The following VRK3 variants were observed in gnomAD, a reference collection of about 807,000 sequenced individuals.
The protein encoded by VRK3 is VRK serine/threonine kinase 3.
A neutral mutation model predicts 60.4 loss-of-function variants in VRK3; 50 were observed. The observed-to-expected ratio is 0.83, with a 90% CI of 0.66 to 1.05. VRK3 has a LOEUF of 1.05. Among genes scored for constraint, VRK3 ranks in the 50% least tolerant of loss-of-function variants. The probability of loss-of-function intolerance (pLI) is 0.00; values close to 1 mark genes in which losing one functional copy is unlikely to be tolerated. For synonymous variants in VRK3, 246 were observed against 227.8 expected (o/e 1.08, Z -0.72); for missense variants, 549 against 585.3 (o/e 0.94, Z 0.64).
intron 3 of VRK3, among the ~76,000 whole-genome samples, chr19:50,014,329 C>T (rs577234603): frequency 3.3e-5 from 5 of 151,454 alleles, no homozygotes; most frequent in Admixed American, 2.0e-4. Context: ...GAGGCCGAGG[C>T]GGGTGGATCA....
At position 50,007,439 on chromosome 19, in the gene VRK3, G is replaced by A. The variant is rs140868476; in HGVS notation, c.547+130C>T. On this transcript the variant is annotated intron_variant, in intron 5 of 14. Transcript: ENST00000316763. ...GGTAGGTATAGAGTCCAAGGTCTAA[G>A]AGAAAGTTGCCTAGCGACAGGTCTG... 124 of 1,406,602 alleles carry A rather than the reference G, an allele frequency of 8.8e-5. No homozygotes were observed. In the East Asian group the frequency reaches 2.7e-3, roughly 31 times the overall value. The allele number at this position is 1,406,602 out of a possible 1,614,324, so 87.1% of individuals were successfully genotyped here.
intron 13 of VRK3, among the ~76,000 whole-genome samples, chr19:49,980,222 C>T (rs1400017743): frequency 5.9e-5 from 9 of 152,052 alleles, no homozygotes. Flanking sequence ...CAAACACCCC[C>T]GACACCCCAA....
intron 5 of VRK3, chr19:50,001,281 C>T (rs970326355): frequency 1.2e-5 from 2 of 169,436 alleles, no homozygotes; most frequent in African/African-American, 2.4e-5. Flanking sequence ...CCAATAACAG[C>T]CCCGAGCACT....
intron 5 of VRK3, among the ~76,000 whole-genome samples, chr19:50,006,303 C>T (rs565728515): frequency 6.7e-6 from 1 of 148,496 alleles, no homozygotes; most frequent in East Asian, 1.9e-4. Context: ...GAGCAAGACT[C>T]TCTCTCAAAA....
At chr19:50,001,993 G>A (rs2076815061) in intron 5 of VRK3, among the ~76,000 whole-genome samples, 1 of 152,132 alleles carries the variant, frequency 6.6e-6, no homozygotes, top group Admixed American at 6.5e-5. Flanking sequence ...ACGGACCCTG[G>A]CACATCAGGA....
chr19:50,009,558 T>A (rs1043103025), intron 3 of VRK3, among the ~76,000 whole-genome samples, 173 bp from the exon 4 acceptor site: 8 of 152,192 alleles, frequency 5.3e-5, no homozygotes, highest in Non-Finnish European at 1.0e-4. Flanking sequence ...TTTTAGTTGT[T>A]CTCTCCTTCT....
intron 5 of VRK3, 80 bp downstream of exon 5, chr19:50,007,489 C>T: frequency 3.8e-6 from 6 of 1,580,328 alleles, no homozygotes; most frequent in Non-Finnish European, 5.2e-6. Flanking sequence ...GCTTCCATTC[C>T]CATTCTCAGA....
At chr19:50,009,470 T>A in intron 3 of VRK3, 85 bp from the exon 4 acceptor site, 1 of 1,511,718 alleles carries the variant, frequency 6.6e-7, no homozygotes, top group African/African-American at 1.4e-5. Context: ...GAGGTTATAC[T>A]CAGCTATGCT....
intron 12 of VRK3, chr19:49,981,646 T>C (rs1417429778): frequency 1.1e-6 from 1 of 950,602 alleles, no homozygotes; most frequent in Non-Finnish European, 1.3e-6. Flanking sequence ...ATTGAACTCT[T>C]TTAATCTGTG....
chr19:50,008,198 G>A (rs566798368), intron 4 of VRK3, among the ~76,000 whole-genome samples: 38 of 152,156 alleles, frequency 2.5e-4, no homozygotes, highest in Non-Finnish European at 5.0e-4. Flanking sequence ...TGTTGGATGA[G>A]GAGAAGTTTG....
At chr19:49,995,016 G>C in intron 8 of VRK3, 97 bp from the exon 9 acceptor site, 1 of 1,312,284 alleles carries the variant, frequency 7.6e-7, no homozygotes, top group Non-Finnish European at 1.1e-6. Context: ...GCAAGGTCCT[G>C]GTCCCAGGTG....
At chr19:50,004,074 G>A (rs2076853977) in intron 5 of VRK3, among the ~76,000 whole-genome samples, 1 of 152,196 alleles carries the variant, frequency 6.6e-6, no homozygotes, top group African/African-American at 2.4e-5. Flanking sequence ...CTGAAGGAAT[G>A]GATGACTCAC....
At chr19:50,000,707 C>G (rs867781110) in intron 6 of VRK3, 83 bp downstream of exon 6, 1 of 1,501,130 alleles carries the variant, frequency 6.7e-7, no homozygotes, top group Middle Eastern at 1.7e-4. Flanking sequence ...GCTCTCCCAG[C>G]TGACAGACGG....
intron 1 of VRK3, among the ~76,000 whole-genome samples, chr19:50,023,247 ACG>A (rs2122722917): frequency 6.6e-6 from 1 of 152,256 alleles, no homozygotes; most frequent in Non-Finnish European, 1.5e-5. Context: ...GTGCAATGGC[ACG>A]ATCTCGGCTT....
chr19:50,015,122 G>C (rs762394966), intron 3 of VRK3, among the ~76,000 whole-genome samples: 1 of 152,118 alleles, frequency 6.6e-6, no homozygotes, highest in Non-Finnish European at 1.5e-5. Flanking sequence ...CAATGGGGAA[G>C]TCTAGGGCAG....
At position 50,025,352 on chromosome 19, in the gene VRK3, A is replaced by T. The variant is rs2122767885; in HGVS notation, c.-150T>A. 6.6e-6 allele frequency: 1 copy of T among 152,374 alleles called. No individual in the cohort carries two copies. Among genetic ancestry groups the T allele is most frequent in the South Asian group, 2.1e-4 (1 of 4,824 alleles). 9.4% of individuals were successfully genotyped at this position (152,374 alleles called of 1,614,324 possible). Reference sequence around the variant, plus strand: ...CGCAGTTACCCGGACTCACCTTCTCAGTTGCCCAGCGAAAACTTCCGCTGG... The same window carrying T: ...CGCAGTTACCCGGACTCACCTTCTCTGTTGCCCAGCGAAAACTTCCGCTGG... On this transcript the variant is annotated 5_prime_UTR_variant, in exon 1 of 15. Coordinates refer to ENST00000316763, the MANE Select transcript of VRK3 (RefSeq NM_016440.4).
At chr19:50,016,248 G>C in intron 2 of VRK3, 85 bp from the exon 3 acceptor site, 1 of 1,562,966 alleles carries the variant, frequency 6.4e-7, no homozygotes, top group Non-Finnish European at 8.7e-7. Context: ...TTAATCACAG[G>C]GTGAGTGGCA....
In VRK3 at chr19:50,021,738, G is replaced by C. The variant is rs74687292; in HGVS notation, c.-64-1091C>G. On this transcript the variant is annotated intron_variant, in intron 1 of 14. Transcript: ENST00000316763. ...GAATTGTGGGACGATTTGTTCTCTAGACATAGTAACCGGGACAGGGAGTCC... is the reference window on the plus strand; with the variant it reads ...GAATTGTGGGACGATTTGTTCTCTACACATAGTAACCGGGACAGGGAGTCC... 8.6e-3 allele frequency among the ~76,000 whole-genome samples: 1,315 copies of C among 152,364 alleles called. 77 individuals are homozygous for C. The East Asian group carries it at 0.11, about 13-fold the overall frequency.
At chr19:49,994,742 TA>T in intron 9 of VRK3, 71 bp downstream of exon 9, 1 of 1,399,604 alleles carries the variant, frequency 7.1e-7, no homozygotes, top group Non-Finnish European at 9.9e-7. Context: ...TGTCAATGAC[TA>T]AAGTGCCTGC....
Sources: gnomAD v4.1 joint callset for allele counts (sites outside exome capture counted in the v4.1 genomes callset) on GRCh38, gnomAD v4.1.1 for gene constraint, MANE v1.5 for transcripts, NCBI Gene and HGNC (gene_info 2026-07-23, HGNC 2026-07-21) for gene names.